Variants in RBFOX1 observed in about 807,000 individuals in gnomAD.
RBFOX1 encodes the protein RNA binding fox-1 homolog 1.
RBFOX1 carries 8 observed loss-of-function variants against 57.7 expected under a neutral mutation model. That is an observed-to-expected ratio of 0.14 (90% confidence interval 0.08 to 0.25). The LOEUF is 0.25. RBFOX1 is among the 10% of genes least tolerant of loss of function. The pLI, the probability that RBFOX1 is intolerant of heterozygous loss-of-function variation, is 1.00. For missense variants in RBFOX1, 611 were observed against 548.5 expected, an observed-to-expected ratio of 1.11 and a Z score of -1.14; for synonymous variants, 326 against 222.4, an observed-to-expected ratio of 1.47 and a Z score of -4.15.
At chr16:7,287,025 A>G (rs2095664104) in intron 4 of RBFOX1, among the ~76,000 whole-genome samples, 1 of 152,206 alleles carries the variant, frequency 6.6e-6, no homozygotes, top group African/African-American at 2.4e-5. Flanking sequence ...GCAATGCGTG[A>G]TAGAAGCTGT....
At chr16:6,264,254 A>G (rs565308936) in intron 1 of RBFOX1, among the ~76,000 whole-genome samples, 2 of 152,190 alleles carry the variant, frequency 1.3e-5, no homozygotes, top group Admixed American at 1.3e-4. Context: ...AAGGAGAAAA[A>G]CTGAGGTCCA....
intron 2 of RBFOX1, among the ~76,000 whole-genome samples, chr16:6,482,649 T>A (rs1260420846): frequency 2.6e-5 from 4 of 152,096 alleles, no homozygotes; most frequent in Non-Finnish European, 4.4e-5. Context: ...GTACGTAACG[T>A]GGAAAAAGAG....
intron 1 of RBFOX1, among the ~76,000 whole-genome samples, chr16:5,336,698 C>T (rs536271497): frequency 2.0e-5 from 3 of 152,294 alleles, no homozygotes; most frequent in Admixed American, 6.5e-5. Flanking sequence ...AGTGGTCCTT[C>T]TACTGGGTTT....
chr16:6,516,976 G>A (rs1021004762), intron 2 of RBFOX1, among the ~76,000 whole-genome samples: 3 of 152,150 alleles, frequency 2.0e-5, no homozygotes, highest in Admixed American at 2.0e-4. Context: ...GATAAAGTAT[G>A]AGGCTAGGTC....
intron 2 of RBFOX1, among the ~76,000 whole-genome samples, chr16:6,530,582 C>T (rs941865791): frequency 1.3e-5 from 2 of 152,102 alleles, no homozygotes; most frequent in Non-Finnish European, 2.9e-5. Flanking sequence ...AAAGACATAC[C>T]TGAAACTGGG....
chr16:5,807,738 C>T (rs759611431), intron 3 of RBFOX1, among the ~76,000 whole-genome samples: 3 of 152,114 alleles, frequency 2.0e-5, no homozygotes, highest in Non-Finnish European at 2.9e-5. Flanking sequence ...TTAACAGACT[C>T]AAGAAGGAGC....
chr16:5,311,181 T>C (rs1406978684), intron 1 of RBFOX1, among the ~76,000 whole-genome samples: 2 of 152,322 alleles, frequency 1.3e-5, no homozygotes, highest in South Asian at 2.1e-4. Context: ...TCATTCTTTT[T>C]TATGGCTGAG....
At chr16:6,575,928 C>T (rs2097428241) in intron 2 of RBFOX1, among the ~76,000 whole-genome samples, 1 of 151,368 alleles carries the variant, frequency 6.6e-6, no homozygotes, top group African/African-American at 2.4e-5. Flanking sequence ...ATAATTTAGC[C>T]AGTTTTTGAT....
intron 1 of RBFOX1, among the ~76,000 whole-genome samples, chr16:5,246,991 C>T (rs2062318145): frequency 6.6e-6 from 1 of 152,160 alleles, no homozygotes; most frequent in Admixed American, 6.6e-5. Flanking sequence ...TTTTTAGATT[C>T]CACATATAAG....
intron 1 of RBFOX1, among the ~76,000 whole-genome samples, chr16:6,217,222 G>A (rs1196509563): frequency 9.8e-6 from 1 of 101,628 alleles, no homozygotes. Flanking sequence ...AGAAGCAAAT[G>A]TTATTTTATT....
intron 2 of RBFOX1, among the ~76,000 whole-genome samples, chr16:5,550,787 C>T (rs1046029630): frequency 9.9e-5 from 15 of 152,154 alleles, no homozygotes; most frequent in African/African-American, 3.4e-4. Context: ...ATAACAATAA[C>T]AATTCATGCT....
At position 5,528,672 on chromosome 16, in the gene RBFOX1, C is replaced by G. The variant is rs1436360090; in HGVS notation, c.258+61418C>G. Among the ~76,000 whole-genome samples the G allele has an allele frequency of 2.0e-5, 3 of 149,762 alleles. No individual in the cohort carries two copies. In the South Asian group the frequency reaches 6.4e-4, roughly 32 times the overall value. ...CCCCCCTCCCCTCCCCTCCTGTCCT[C>G]TTTCTCTCACTCTGTCGCCCAGGCT... On this transcript the variant is annotated intron_variant, in intron 2 of 2. Transcript: ENST00000585867.
At chr16:6,773,595 GTGT>G (rs2078808845) in intron 3 of RBFOX1, among the ~76,000 whole-genome samples, 1 of 142,022 alleles carries the variant, frequency 7.0e-6, no homozygotes, top group East Asian at 2.2e-4. Context: ...TTGTGTGTGT[GTGT>G]GTGTATGTGC....
intron 12 of RBFOX1, among the ~76,000 whole-genome samples, chr16:7,659,328 C>G (rs2067113292): frequency 2.0e-5 from 3 of 152,206 alleles, no homozygotes; most frequent in Admixed American, 2.0e-4. Context: ...GTCTCTGGGA[C>G]TATGGGCATA....
At chr16:7,402,548 G>T (rs2098262644) in intron 4 of RBFOX1, among the ~76,000 whole-genome samples, 1 of 152,182 alleles carries the variant, frequency 6.6e-6, no homozygotes, top group Non-Finnish European at 1.5e-5. Flanking sequence ...AGACTTCAAA[G>T]TATGTGAACT....
At chr16:6,888,144 T>C (rs772518765) in intron 3 of RBFOX1, among the ~76,000 whole-genome samples, 16 of 152,152 alleles carry the variant, frequency 1.1e-4, no homozygotes, top group Non-Finnish European at 1.9e-4. Context: ...TTATTTAGGA[T>C]TTAAGAACAG....
chr16:5,650,181 G>C (rs560414622), intron 3 of RBFOX1, among the ~76,000 whole-genome samples: 2 of 152,188 alleles, frequency 1.3e-5, no homozygotes, highest in African/African-American at 2.4e-5. Context: ...TGAAATAGTC[G>C]TAAGACGAGG....
intron 2 of RBFOX1, among the ~76,000 whole-genome samples, chr16:6,409,289 C>A (rs753114308): frequency 6.6e-6 from 1 of 152,060 alleles, no homozygotes; most frequent in Non-Finnish European, 1.5e-5. Flanking sequence ...TGGTGCGCAC[C>A]GGTAATCCCA....
chr16:5,418,814 G>C (rs778847999), intron 1 of RBFOX1, among the ~76,000 whole-genome samples: 6 of 152,058 alleles, frequency 3.9e-5, no homozygotes, highest in Non-Finnish European at 8.8e-5. Context: ...TGATACCCTG[G>C]TTAGCAAAAG....
Sources: allele counts gnomAD v4.1 joint callset (sites outside exome capture counted in the v4.1 genomes callset), GRCh38; gene constraint gnomAD v4.1.1; transcripts MANE v1.5; gene names NCBI Gene and HGNC (gene_info 2026-07-23, HGNC 2026-07-21).